The following CACNA1C variants were observed in gnomAD, a reference collection of about 807,000 sequenced individuals.
CACNA1C encodes voltage-dependent L-type calcium channel subunit alpha-1C.
In CACNA1C, 30 loss-of-function variants were observed where a neutral mutation model predicts 229.0. The ratio of observed to expected loss-of-function variants is 0.13; its 90% CI spans 0.10 to 0.18. CACNA1C has a LOEUF of 0.18. Among genes scored for constraint, CACNA1C ranks in the 10% least tolerant of loss-of-function variants. The pLI is 1.00. For synonymous variants in CACNA1C, 1,114 were observed against 1,132.5 expected (o/e 0.98, Z 0.33); for missense variants, 1,658 against 2,845.0 (o/e 0.58, Z 9.49).
chr12:2,129,401 C>T (rs1484047526), intron 3 of CACNA1C, among the ~76,000 whole-genome samples: 1 of 152,150 alleles, frequency 6.6e-6, no homozygotes, highest in Non-Finnish European at 1.5e-5. Flanking sequence ...GTCTGCTCTG[C>T]GTTTGCCAGC....
At chr12:2,416,334 A>G (rs548090351) in intron 3 of CACNA1C, among the ~76,000 whole-genome samples, 2 of 152,192 alleles carry the variant, frequency 1.3e-5, no homozygotes, top group Admixed American at 1.3e-4. Flanking sequence ...GGAAAGGAAA[A>G]GGAATGAAAG....
At chr12:2,095,355 A>G (rs2073399517) in intron 1 of CACNA1C, among the ~76,000 whole-genome samples, 1 of 152,240 alleles carries the variant, frequency 6.6e-6, no homozygotes, top group African/African-American at 2.4e-5. Context: ...GGACAGAGTC[A>G]CAGAGATGAT....
At chr12:2,224,318 C>T (rs1108074) in intron 3 of CACNA1C, among the ~76,000 whole-genome samples, 59,938 of 152,130 alleles carry the variant, frequency 0.39, 12,961 homozygotes, top group African/African-American at 0.56. Flanking sequence ...GATATGCAAA[C>T]GAGTCACACA....
intron 3 of CACNA1C, among the ~76,000 whole-genome samples, chr12:2,139,830 A>G (rs1240226895): frequency 6.6e-6 from 1 of 151,230 alleles, no homozygotes; most frequent in African/African-American, 2.4e-5. Context: ...TGGAGGTGTA[A>G]GGGGTGAGGC....
intron 3 of CACNA1C, among the ~76,000 whole-genome samples, chr12:2,226,775 G>A (rs2239030): frequency 0.5 from 76,739 of 152,006 alleles, 20,700 homozygotes; most frequent in African/African-American, 0.7. Flanking sequence ...TCCAGTTCTC[G>A]AGCTCTCTGC....
intron 3 of CACNA1C, among the ~76,000 whole-genome samples, chr12:2,180,121 C>T (rs746963824): frequency 6.6e-6 from 1 of 152,218 alleles, no homozygotes; most frequent in Non-Finnish European, 1.5e-5. Context: ...CCAACAGTGT[C>T]TGTTGTAAGG....
intron 3 of CACNA1C, among the ~76,000 whole-genome samples, chr12:2,448,124 G>T (rs936522722): frequency 1.3e-5 from 2 of 152,198 alleles, no homozygotes; most frequent in African/African-American, 4.8e-5. Flanking sequence ...GCACAGAGTC[G>T]GCTGGCTCTA....
intron 3 of CACNA1C, among the ~76,000 whole-genome samples, chr12:2,267,905 G>A (rs894339733): frequency 2.0e-5 from 3 of 152,168 alleles, no homozygotes; most frequent in African/African-American, 4.8e-5. Context: ...TTTTGGTCTC[G>A]GAGCACCCGC....
Position 2,287,618 on chromosome 12 carries a change from A to AC in CACNA1C, c.478-161358_478-161357insC, listed in dbSNP as rs1342590432. ...TAGTAATTCTCATCCCTGGCCACAC[A>AC]TAAGAATCATCTGGGATCATTTAAC... On this transcript the variant is annotated intron_variant, in intron 3 of 46. Coordinates refer to ENST00000399655, the MANE Select transcript of CACNA1C (RefSeq NM_000719.7). This position sits in a 1 kb window ranked among gnomAD's most constrained non-coding sequence, Gnocchi z 4.6. Among the ~76,000 whole-genome samples, 2 of 152,176 alleles carry AC rather than the reference A, an allele frequency of 1.3e-5. No homozygotes were observed. Among genetic ancestry groups the AC allele is most frequent in the African/African-American group, 4.8e-5 (2 of 41,434 alleles).
At chr12:2,367,913 A>G (rs549270475) in intron 3 of CACNA1C, among the ~76,000 whole-genome samples, 2 of 152,308 alleles carry the variant, frequency 1.3e-5, no homozygotes, top group African/African-American at 4.8e-5. Context: ...TTATCTTGAC[A>G]AAGATGTCAC....
chr12:2,222,903 G>A (rs936544534), intron 3 of CACNA1C, among the ~76,000 whole-genome samples: 1 of 152,220 alleles, frequency 6.6e-6, no homozygotes, highest in Non-Finnish European at 1.5e-5. Context: ...CTGCAAAGGA[G>A]TTGAGCAGAG....
chr12:2,317,840 G>A (rs1438107310), intron 3 of CACNA1C, among the ~76,000 whole-genome samples: 2 of 152,186 alleles, frequency 1.3e-5, no homozygotes, highest in Non-Finnish European at 2.9e-5. Context: ...GGAGAGAAGA[G>A]GAAACGGCGC....
chr12:2,340,781 C>T (rs545401021), intron 3 of CACNA1C, among the ~76,000 whole-genome samples: 4 of 151,260 alleles, frequency 2.6e-5, no homozygotes, highest in Non-Finnish European at 4.4e-5. Context: ...CACGGTGAAA[C>T]CCCATCTCTC....
rs1199083576 is a variant in CACNA1C at position 2,601,974 on chromosome 12, C to T, written c.2960+14C>T. The T allele has an allele frequency of 6.5e-7, 1 of 1,530,856 alleles. No homozygotes were observed. Among genetic ancestry groups the T allele is most frequent in the East Asian group, 2.2e-5 (1 of 44,498 alleles). The allele number at this position is 1,530,856 out of a possible 1,614,324, so 94.8% of individuals were successfully genotyped here. ...CTTTGGCATCCAGTGAGTGGGAGCC[C>T]CTCAGCCCACGATGGGCCATGCAGC... On this transcript the variant is annotated intron_variant, in intron 22 of 46. Coordinates refer to ENST00000399655, the MANE Select transcript of CACNA1C (RefSeq NM_000719.7). The surrounding 1 kb of genome is among the most constrained non-coding windows in gnomAD (Gnocchi z 5.9).
In CACNA1C at chr12:2,664,704, A is replaced by G. The variant is rs45555233; in HGVS notation, c.4233-121A>G. 56,697 of 690,816 alleles carry G rather than the reference A, an allele frequency of 0.082. 3,230 individuals are homozygous for G. Among genetic ancestry groups the G allele is most frequent in the African/African-American group, 0.23 (12,621 of 55,852 alleles). 42.8% of individuals were successfully genotyped at this position (690,816 alleles called of 1,614,324 possible). A position where few individuals can be genotyped will look rare whatever the true frequency, so the allele number is the denominator to read the frequency against. ...GAGCATTCAGGGAATGATGAACATC[A>G]AGTTCATTTTAGTAACTCCCTCTGG... On this transcript the variant is annotated intron_variant, in intron 34 of 46. Transcript: ENST00000399655.
intron 3 of CACNA1C, among the ~76,000 whole-genome samples, chr12:2,317,664 AAAT>A (rs1255231712): frequency 6.6e-6 from 1 of 152,220 alleles, no homozygotes; most frequent in Admixed American, 6.5e-5. Flanking sequence ...CAATTTTTAA[AAAT>A]AATTAAAAAT....
intron 3 of CACNA1C, among the ~76,000 whole-genome samples, chr12:2,412,861 G>A (rs2098823776): frequency 6.6e-6 from 1 of 152,156 alleles, no homozygotes; most frequent in Non-Finnish European, 1.5e-5. Context: ...TAGAATTGTG[G>A]AATAAATGAC....
At chr12:2,027,664 C>A (rs1344105611) in intron 1 of CACNA1C, among the ~76,000 whole-genome samples, 1 of 152,174 alleles carries the variant, frequency 6.6e-6, no homozygotes, top group Non-Finnish European at 1.5e-5. Context: ...AAAGTCCCTT[C>A]CCTGGAGGCT....
At chr12:2,310,267 C>A (rs571647003) in intron 3 of CACNA1C, among the ~76,000 whole-genome samples, 2 of 151,800 alleles carry the variant, frequency 1.3e-5, no homozygotes, top group South Asian at 2.1e-4. Context: ...GACTCCAGGG[C>A]CTACATTCTA....
Sources: gnomAD v4.1 joint callset for allele counts (sites outside exome capture counted in the v4.1 genomes callset) on GRCh38, gnomAD v4.1.1 for gene constraint, Gnocchi (gnomAD v3.1) non-coding constraint, MANE v1.5 for transcripts, NCBI Gene and HGNC (gene_info 2026-07-23, HGNC 2026-07-21) for gene names.